The following DNAJC7 variants were observed in gnomAD, a reference collection of about 807,000 sequenced individuals.
DNAJC7 encodes dnaJ homolog subfamily C member 7.
DNAJC7 carries 18 observed loss-of-function variants against 67.4 expected under a neutral mutation model. The observed-to-expected ratio is 0.27, with a 90% CI of 0.18 to 0.40. The LOEUF (loss-of-function observed/expected upper bound fraction) is 0.40. Ranked by LOEUF, DNAJC7 falls within the 10% of genes least tolerant of loss-of-function variation. DNAJC7 has a pLI of 1.00. For missense variants in DNAJC7, 419 were observed against 613.8 expected (o/e 0.68, Z 3.35); for synonymous variants, 220 against 207.8 (o/e 1.06, Z -0.50).
intron 1 of DNAJC7, chr17:42,003,522 A>C (rs2051863057): frequency 6.6e-6 from 1 of 152,228 alleles, no homozygotes; most frequent in Admixed American, 6.5e-5. Context: ...CCTTTACAGC[A>C]AAGGGACTGA....
chr17:41,983,177 T>C (rs1411841749), intron 10 of DNAJC7, among the ~76,000 whole-genome samples: 5 of 151,904 alleles, frequency 3.3e-5, no homozygotes, highest in Non-Finnish European at 5.9e-5. Context: ...CAGGCTGGAG[T>C]ATAGTCGCGC....
At chr17:41,983,444 C>A in intron 10 of DNAJC7, 119 bp downstream of exon 10, 2 of 904,156 alleles carry the variant, frequency 2.2e-6, no homozygotes, top group South Asian at 3.6e-5. Context: ...TTCTTTCTGG[C>A]TGGTGATCAA....
intron 1 of DNAJC7, chr17:42,016,988 G>A (rs1165124377): frequency 7.2e-6 from 9 of 1,254,710 alleles, no homozygotes; most frequent in Non-Finnish European, 9.1e-6. Context: ...AGAACGCGGG[G>A]GTCGGGGGCG....
At chr17:41,999,383 A>G (rs1043641475) in intron 2 of DNAJC7, among the ~76,000 whole-genome samples, 1 of 152,178 alleles carries the variant, frequency 6.6e-6, no homozygotes, top group African/African-American at 2.4e-5. Flanking sequence ...CGGCCTCCCA[A>G]AATGCTGGGA....
At chr17:41,978,757 G>A (rs188194109) in intron 12 of DNAJC7, among the ~76,000 whole-genome samples, 144 of 152,342 alleles carry the variant, frequency 9.5e-4, no homozygotes, top group African/African-American at 2.7e-3. Flanking sequence ...GCAGGTGCCT[G>A]TAGTCCCAGC....
intron 2 of DNAJC7, among the ~76,000 whole-genome samples, chr17:41,999,242 G>T (rs1216161059): frequency 6.6e-6 from 1 of 150,464 alleles, no homozygotes; most frequent in Non-Finnish European, 1.5e-5. Context: ...ACCACACCTG[G>T]CTAATTTTTG....
At chr17:42,017,317 C>CT in intron 1 of DNAJC7, 23 bp downstream of exon 1, 1 of 1,611,078 alleles carries the variant, frequency 6.2e-7, no homozygotes, top group Non-Finnish European at 8.5e-7. Flanking sequence ...GTCGCCTCCT[C>CT]TACTACCCTG....
chr17:42,007,402 A>G (rs1185710035), intron 1 of DNAJC7, among the ~76,000 whole-genome samples: 2 of 152,134 alleles, frequency 1.3e-5, no homozygotes, highest in African/African-American at 4.8e-5. Flanking sequence ...ATGGCATGTC[A>G]CAGGGCCTGT....
intron 1 of DNAJC7, among the ~76,000 whole-genome samples, chr17:42,010,412 A>G (rs186954173): frequency 3.4e-4 from 52 of 152,084 alleles, no homozygotes; most frequent in Middle Eastern, 3.4e-3. Flanking sequence ...GAATTGCTTG[A>G]ACCCGGGAGG....
At chr17:42,005,409 T>TA (rs2143302443) in intron 1 of DNAJC7, among the ~76,000 whole-genome samples, 1 of 152,330 alleles carries the variant, frequency 6.6e-6, no homozygotes, top group African/African-American at 2.4e-5. Flanking sequence ...GTTGAACACT[T>TA]AAGATCTCTG....
Position 41,983,633 on chromosome 17 carries a change from G to A in DNAJC7, c.1014C>T (p.Tyr338=), listed in dbSNP as rs782758339. 2 of 1,601,824 alleles carry A rather than the reference G, an allele frequency of 1.2e-6. No individual in the cohort carries two copies. Among genetic ancestry groups the A allele is most frequent in the South Asian group, 1.1e-5 (1 of 89,236 alleles). Reference sequence around the variant, plus strand: ...CTTCTTCATACTGTTCTGTGTCCATGTAACTGAGAAGGAAATACAAGGCAA... The same window carrying A: ...CTTCTTCATACTGTTCTGTGTCCATATAACTGAGAAGGAAATACAAGGCAA... ...IKAYLRRAQC[Y]MDTEQYEEAV... is the part of the protein sequence containing the mutation. The change falls in exon 10 of 14, where the codon TAC becomes TAT. Residue 338 remains tyrosine, a synonymous_variant. Coordinates refer to ENST00000457167, the MANE Select transcript of DNAJC7 (RefSeq NM_003315.4).
intron 1 of DNAJC7, among the ~76,000 whole-genome samples, chr17:42,007,933 C>A (rs1006507344): frequency 2.0e-5 from 3 of 148,526 alleles, no homozygotes; most frequent in African/African-American, 7.5e-5. Context: ...GCAACCTCCG[C>A]CTCCCAGGTT....
At chr17:42,016,886 G>A (rs950184133) in intron 1 of DNAJC7, 5 of 967,780 alleles carry the variant, frequency 5.2e-6, no homozygotes, top group Non-Finnish European at 6.4e-6. Context: ...AGTGATCGCT[G>A]GGGTATAATT....
intron 1 of DNAJC7, 95 bp from the exon 2 acceptor site, chr17:42,000,665 C>T: frequency 3.4e-6 from 3 of 884,726 alleles, no homozygotes; most frequent in South Asian, 1.7e-5. Flanking sequence ...GCCCGCAGCA[C>T]ACTGAGCTGA....
intron 1 of DNAJC7, among the ~76,000 whole-genome samples, chr17:42,004,013 T>C (rs2051880586): frequency 7.5e-6 from 1 of 132,902 alleles, no homozygotes; most frequent in Non-Finnish European, 1.6e-5. Flanking sequence ...TGGAGGGCAG[T>C]GGCATGAACT....
rs201821803 is a variant in DNAJC7 at position 41,988,684 on chromosome 17, C to A, written c.918+48G>T. ...CAGATTTCCCAAGACCCTTTGATGTCCCTTAAAAATATTTCTATAGGCCCC... is the reference window on the plus strand; with the variant it reads ...CAGATTTCCCAAGACCCTTTGATGTACCTTAAAAATATTTCTATAGGCCCC... On this transcript the variant is annotated intron_variant, in intron 8 of 13. Transcript: ENST00000457167. 240 of 1,538,918 alleles carry A rather than the reference C, an allele frequency of 1.6e-4. 2 individuals carry two copies. The East Asian group carries it at 4.5e-3, about 29-fold the overall frequency.
At position 42,017,370 on chromosome 17, in the gene DNAJC7, G is replaced by A; in HGVS notation, c.47C>T (p.Pro16Leu). Residue 16 changes from proline to leucine, a missense_variant, in exon 1 of 14, where the codon CCG becomes CTG. Coordinates refer to ENST00000457167, the MANE Select transcript of DNAJC7 (RefSeq NM_003315.4). ...ECDVVMAATE[P>L]ELLDDQEAKR... The stretch of plus-strand genomic sequence containing the variant: ...CGCCTCTTGGTCGTCGAGCAGCTCC[G>A]GCTCGGTCGCCGCCATTACCACATC... The A allele has an allele frequency of 6.2e-7, 1 of 1,610,796 alleles. No individual in the cohort carries two copies. The highest frequency in any genetic ancestry group is 8.5e-7 in the Non-Finnish European group (1 of 1,179,858).
Position 41,987,838 on chromosome 17 carries a change from AG to A in DNAJC7, c.990del (p.Tyr331ThrfsTer2), listed in dbSNP as rs782752928. The part of the protein sequence containing the change: ...AVKLDDTYIK[A>X]YLRRAQCYMD... ...ACTTACCACTGAGCTCTTCTCAAGT[AG>A]GCTTTTATGTAAGTGTCATCAAGCT... On this transcript the variant is annotated frameshift_variant, in exon 9 of 14. Coordinates refer to ENST00000457167, the MANE Select transcript of DNAJC7 (RefSeq NM_003315.4). LOFTEE classifies it high-confidence loss of function. 6.2e-7 allele frequency: 1 copy of A among 1,610,576 alleles called. No homozygotes were observed.
intron 9 of DNAJC7, chr17:41,985,030 T>C (rs879954806): frequency 1.3e-5 from 2 of 152,286 alleles, no homozygotes; most frequent in African/African-American, 2.4e-5. Context: ...GGTTTCACCA[T>C]GTTGGCCAGG....
Sources: allele counts gnomAD v4.1 joint callset (sites outside exome capture counted in the v4.1 genomes callset), GRCh38; gene constraint gnomAD v4.1.1; transcripts MANE v1.5; gene names NCBI Gene and HGNC (gene_info 2026-07-23, HGNC 2026-07-21).